The following CCN2 variants were observed in gnomAD, a reference collection of about 807,000 sequenced individuals.
The protein encoded by CCN2 is cellular communication network factor 2.
In CCN2, 22 loss-of-function variants were observed where a neutral mutation model predicts 33.2. That is an observed-to-expected ratio of 0.66 (90% CI 0.47 to 0.95). CCN2 has a LOEUF of 0.95. Ranked by LOEUF, CCN2 falls within the 40% of genes least tolerant of loss-of-function variation. The probability of loss-of-function intolerance (pLI) is 0.00; values close to 1 mark genes in which losing one functional copy is unlikely to be tolerated. For missense variants in CCN2, 469 were observed against 498.8 expected (o/e 0.94, Z 0.57); for synonymous variants, 178 against 200.6 (o/e 0.89, Z 0.95).
chr6:131,951,047 G>C, intron 1 of CCN2, 55 bp from the exon 2 acceptor site: 1 of 1,264,380 alleles, frequency 7.9e-7, no homozygotes, highest in Non-Finnish European at 9.9e-7. Context: ...CGCCCTCCCC[G>C]GCCGGCCCCG....
rs1425870365 is a variant in CCN2, at chr6:131,948,784, C to G, written c.*480G>C. The G allele has an allele frequency of 5.9e-6, 1 of 170,460 alleles. No individual in the cohort carries two copies. Among genetic ancestry groups the G allele is most frequent in the African/African-American group, 2.4e-5 (1 of 42,182 alleles). The allele number at this position is 170,460 out of a possible 1,614,324, so 10.6% of individuals were successfully genotyped here. A position where few individuals can be genotyped will look rare whatever the true frequency, so the allele number is the denominator to read the frequency against. On this transcript the variant is annotated 3_prime_UTR_variant, in exon 5 of 5. Coordinates refer to ENST00000367976, the MANE Select transcript of CCN2 (RefSeq NM_001901.4). ...AACAGTGTCATTCGAATCAGAATGT[C>G]AGAGCTGAGTCTGCTGTTCTGACTT...
In CCN2 at chr6:131,950,072, G is replaced by A. The variant is rs1243190830; in HGVS notation, c.630C>T (p.Ser210=). 3 of 1,614,256 alleles carry A rather than the reference G, an allele frequency of 1.9e-6. No individual in the cohort carries two copies. The highest frequency in any genetic ancestry group is 2.5e-6 in the Non-Finnish European group (3 of 1,180,050). ...LVQTTEWSAC[S]KTCGMGISTR... Reference sequence around the variant, plus strand: ...TGGAGATGCCCATCCCACAGGTCTTGGAACAGGCGCTCCACTCTGTGGTCT... The same window carrying A: ...TGGAGATGCCCATCCCACAGGTCTTAGAACAGGCGCTCCACTCTGTGGTCT... Residue 210 remains serine (S), a synonymous_variant, in exon 4 of 5, where the codon TCC becomes TCT. Coordinates refer to ENST00000367976, the MANE Select transcript of CCN2 (RefSeq NM_001901.4). This position sits in a 1 kb window ranked among gnomAD's most constrained non-coding sequence, Gnocchi z 7.1.
At position 131,949,085 on chromosome 6, in the gene CCN2, G is replaced by A. The variant is rs1243628641; in HGVS notation, c.*179C>T. 1 of 619,324 alleles carries A rather than the reference G, an allele frequency of 1.6e-6. No individual in the cohort carries two copies. The highest frequency in any genetic ancestry group is 2.8e-6 in the Non-Finnish European group (1 of 351,236). The allele number at this position is 619,324 out of a possible 1,614,324, so 38.4% of individuals were successfully genotyped here. ...TTAACATTCTTCAAACCAGTGTCTG[G>A]GGTTGATAGACTATTTGTTTGACAT... On this transcript the variant is annotated 3_prime_UTR_variant, in exon 5 of 5. Coordinates refer to ENST00000367976, the MANE Select transcript of CCN2 (RefSeq NM_001901.4).
chr6:131,950,164 C>G lies in CCN2; in HGVS notation c.542-4G>C, dbSNP rs1321360963. Reference sequence around the variant, plus strand: ...AACGTGTCTTCCAGTCGGTAAGCTGCGAGAGCAGAGCACACAAACACCATG... The same window carrying G: ...AACGTGTCTTCCAGTCGGTAAGCTGGGAGAGCAGAGCACACAAACACCATG... On this transcript the variant is annotated splice_polypyrimidine_tract_variant and splice_region_variant and intron_variant, in intron 3 of 4. Transcript: ENST00000367976. This position sits in a 1 kb window ranked among gnomAD's most constrained non-coding sequence, Gnocchi z 7.1. 6.2e-7 allele frequency: 1 copy of G among 1,614,216 alleles called. No homozygotes were observed. Among genetic ancestry groups the G allele is most frequent in the Admixed American group, 1.7e-5 (1 of 60,030 alleles).
chr6:131,950,520 A>G lies in CCN2; in HGVS notation c.313T>C (p.Phe105Leu). Residue 105 changes from phenylalanine to leucine, a missense_variant, in exon 3 of 5, where the codon TTC (phenylalanine) becomes CTC (leucine). Phe to Leu is a conservative substitution (Grantham distance 22). Transcript: ENST00000367976. The surrounding 1 kb of genome is among the most constrained non-coding windows in gnomAD (Gnocchi z 7.1). Reference protein sequence around the residue: ...CTAKDGAPCIFGGTVYRSGES... With the variant: ...CTAKDGAPCILGGTVYRSGES... ...CCGCTGCGGTACACCGTACCACCGAAGATGCAGGGAGCACCATCTTTGGCT... is the reference window on the plus strand; with the variant it reads ...CCGCTGCGGTACACCGTACCACCGAGGATGCAGGGAGCACCATCTTTGGCT... The G allele has an allele frequency of 6.2e-7, 1 of 1,613,664 alleles. No homozygotes were observed. The highest frequency in any genetic ancestry group is 8.5e-7 in the Non-Finnish European group (1 of 1,179,928).
chr6:131,950,985 A>C lies in CCN2; in HGVS notation c.74T>G (p.Val25Gly). 5.3e-6 allele frequency: 7 copies of C among 1,318,458 alleles called. No homozygotes were observed. The highest frequency in any genetic ancestry group is 6.7e-6 in the Non-Finnish European group (7 of 1,043,938). The allele number at this position is 1,318,458 out of a possible 1,614,324, so 81.7% of individuals were successfully genotyped here. Residue 25 changes from valine to glycine, a missense_variant, in exon 2 of 5, where the codon GTC becomes GGC. Transcript: ENST00000367976. This position sits in a 1 kb window ranked among gnomAD's most constrained non-coding sequence, Gnocchi z 7.1. ...GCACGGCCCGCTGCAGTTCTGGCCG[A>C]CGGCCGGCTGCAGGGAGGACAGGGC... ...VLLALCSRPA[V>G]GQNCSGPCRC...
In CCN2 at chr6:131,951,144, C is replaced by T; in HGVS notation, c.29G>A (p.Arg10His). MTAASMGPV[R>H]VAFVVLLALC... ...GGCGAGGAGGACCACGAAGGCGACG[C>T]GGACGGGGCCCATACTGGCGGCGGT... The change falls in exon 1 of 5, where the codon CGC becomes CAC. Residue 10 changes from arginine (R) to histidine (H), a missense_variant. Physicochemically the swap from Arg to His is conservative, Grantham distance 29. Transcript: ENST00000367976. 7.4e-7 allele frequency: 1 copy of T among 1,346,660 alleles called. No homozygotes were observed. The highest frequency in any genetic ancestry group is 9.6e-7 in the Non-Finnish European group (1 of 1,046,566). 83.4% of individuals were successfully genotyped at this position (1,346,660 alleles called of 1,614,324 possible).
In CCN2 at chr6:131,950,479, G is replaced by A. The variant is rs751199787; in HGVS notation, c.354C>T (p.Ser118=). The change falls in exon 3 of 5, where the codon AGC becomes AGT. Residue 118 remains serine (S), a synonymous_variant. Transcript: ENST00000367976. This position sits in a 1 kb window ranked among gnomAD's most constrained non-coding sequence, Gnocchi z 7.1. ...GGCACGTGCACTGGTACTTGCAGCT[G>A]CTCTGGAAGGACTCTCCGCTGCGGT... ...TVYRSGESFQ[S]SCKYQCTCLD... is the part of the protein sequence containing the mutation. 3.7e-6 allele frequency: 6 copies of A among 1,613,990 alleles called. No homozygotes were observed. In the East Asian group the frequency reaches 8.9e-5, roughly 24 times the overall value.
Position 131,950,832 on chromosome 6 carries a change from G to A in CCN2, c.227C>T (p.Pro76Leu), listed in dbSNP as rs778832399. 26 of 1,539,304 alleles carry A rather than the reference G, an allele frequency of 1.7e-5. No individual in the cohort carries two copies. The highest frequency in any genetic ancestry group is 4.1e-5 in the African/African-American group (3 of 73,366). ...ELCTERDPCDPHKGLFCHFGS... is the reference protein window; with the variant it reads ...ELCTERDPCDLHKGLFCHFGS... ...GAAGTGACAGAATAGGCCCTTGTGC[G>A]GGTCGCATGGGTCGCGCTCGGTGCA... The change falls in exon 2 of 5, where the codon CCG becomes CTG. Residue 76 changes from proline (P) to leucine (L), a missense_variant. By Grantham distance (98) the Pro-to-Leu change is moderately conservative. Transcript: ENST00000367976. This position sits in a 1 kb window ranked among gnomAD's most constrained non-coding sequence, Gnocchi z 7.1.
rs369981825 is a variant in CCN2 at position 131,950,760 on chromosome 6, C to T, written c.289+10G>A. The T allele has an allele frequency of 1.3e-5, 20 of 1,532,846 alleles. No individual in the cohort carries two copies. The highest frequency in any genetic ancestry group is 1.5e-5 in the Non-Finnish European group (17 of 1,145,684). The allele number at this position is 1,532,846 out of a possible 1,614,324, so 95.0% of individuals were successfully genotyped here. ...GCCGGACACCTAGCGGTGGGGGCTG[C>T]GGGTCTTACCGGTGCACACGCCGAT... On this transcript the variant is annotated intron_variant, in intron 2 of 4. Transcript: ENST00000367976. The surrounding 1 kb of genome is among the most constrained non-coding windows in gnomAD (Gnocchi z 7.1).
chr6:131,950,823 C>T lies in CCN2; in HGVS notation c.236G>A (p.Gly79Asp). 1.9e-6 allele frequency: 3 copies of T among 1,543,124 alleles called. No individual in the cohort carries two copies. The highest frequency in any genetic ancestry group is 1.7e-6 in the Non-Finnish European group (2 of 1,151,598). The change falls in exon 2 of 5, where the codon GGC becomes GAC. Residue 79 changes from glycine (G) to aspartate (D), a missense_variant. Transcript: ENST00000367976. This position sits in a 1 kb window ranked among gnomAD's most constrained non-coding sequence, Gnocchi z 7.1. ...TERDPCDPHK[G>D]LFCHFGSPAN... ...CGGGGAGCCGAAGTGACAGAATAGG[C>T]CCTTGTGCGGGTCGCATGGGTCGCG...
In CCN2 at chr6:131,951,189, G is replaced by A. The variant is rs1783105699; in HGVS notation, c.-17C>T. On this transcript the variant is annotated 5_prime_UTR_variant, in exon 1 of 5. Coordinates refer to ENST00000367976, the MANE Select transcript of CCN2 (RefSeq NM_001901.4). ...GGCGGTCATGGTTGGCACTGCGGGCGGAGCGGAGGGCGCGGTGGCGGCGAG... is the reference window on the plus strand; with the variant it reads ...GGCGGTCATGGTTGGCACTGCGGGCAGAGCGGAGGGCGCGGTGGCGGCGAG... The A allele has an allele frequency of 2.3e-6, 3 of 1,304,064 alleles. No homozygotes were observed. Among genetic ancestry groups the A allele is most frequent in the Admixed American group, 3.4e-5 (1 of 29,212 alleles). The allele number at this position is 1,304,064 out of a possible 1,614,324, so 80.8% of individuals were successfully genotyped here.
rs1166561198 is a variant in CCN2, at chr6:131,951,244, G to A, written c.-72C>T. On this transcript the variant is annotated 5_prime_UTR_variant, in exon 1 of 5. Transcript: ENST00000367976. ...GAGCGGCGGGGCCTGGAGCGCTGGC[G>A]GTGGTCGGAGGTGGGGACCGGGACG... 6.7e-6 allele frequency: 8 copies of A among 1,201,422 alleles called. No individual in the cohort carries two copies. The highest frequency in any genetic ancestry group is 6.3e-5 in the African/African-American group (4 of 63,074). 74.4% of individuals were successfully genotyped at this position (1,201,422 alleles called of 1,614,324 possible).
In CCN2 at chr6:131,951,277, C is replaced by T; in HGVS notation, c.-105G>A. Reference sequence around the variant, plus strand: ...GAGGTGGGGACCGGGACGCGCCGGGCTGTCGTCTCGGGGCTGTCGGCCGGG... The same window carrying T: ...GAGGTGGGGACCGGGACGCGCCGGGTTGTCGTCTCGGGGCTGTCGGCCGGG... On this transcript the variant is annotated 5_prime_UTR_variant, in exon 1 of 5. Transcript: ENST00000367976. 1 of 1,034,332 alleles carries T rather than the reference C, an allele frequency of 9.7e-7. No homozygotes were observed. The highest frequency in any genetic ancestry group is 4.4e-5 in the South Asian group (1 of 22,536). The allele number at this position is 1,034,332 out of a possible 1,614,324, so 64.1% of individuals were successfully genotyped here. A position where few individuals can be genotyped will look rare whatever the true frequency, so the allele number is the denominator to read the frequency against.
At chr6:131,949,854 A>G (rs1037094694) in intron 4 of CCN2, 95 bp downstream of exon 4, 14 of 1,197,798 alleles carry the variant, frequency 1.2e-5, no homozygotes, top group Non-Finnish European at 1.6e-5. Flanking sequence ...TTTGGAGATA[A>G]CGGGCTTATA....
chr6:131,949,211 G>A lies in CCN2; in HGVS notation c.*53C>T. On this transcript the variant is annotated 3_prime_UTR_variant, in exon 5 of 5. Transcript: ENST00000367976. ...AATCATTTTTACGGAAAAATGAGAT[G>A]TGAATCAGTTCAAGTTCCAGTCTAA... The A allele has an allele frequency of 2.7e-6, 4 of 1,464,066 alleles. No homozygotes were observed. The highest frequency in any genetic ancestry group is 3.8e-6 in the Non-Finnish European group (4 of 1,049,018). 90.7% of individuals were successfully genotyped at this position (1,464,066 alleles called of 1,614,324 possible). A position where few individuals can be genotyped will look rare whatever the true frequency, so the allele number is the denominator to read the frequency against.
Position 131,951,280 on chromosome 6 carries a change from T to C in CCN2, c.-108A>G. The C allele has an allele frequency of 1.0e-6, 1 of 996,860 alleles. No individual in the cohort carries two copies. Among genetic ancestry groups the C allele is most frequent in the Non-Finnish European group, 1.3e-6 (1 of 778,530 alleles). The allele number at this position is 996,860 out of a possible 1,614,324, so 61.8% of individuals were successfully genotyped here. A position where few individuals can be genotyped will look rare whatever the true frequency, so the allele number is the denominator to read the frequency against. The stretch of plus-strand genomic sequence containing the variant: ...GTGGGGACCGGGACGCGCCGGGCTG[T>C]CGTCTCGGGGCTGTCGGCCGGGGCG... On this transcript the variant is annotated 5_prime_UTR_variant, in exon 1 of 5. Transcript: ENST00000367976.
chr6:131,949,117 A>G lies in CCN2; in HGVS notation c.*147T>C, dbSNP rs1261451496. ...TAGACTATTTGTTTGACATGGCACA[A>G]TGTTTTGAATTGGGTGGGAATCTTT... On this transcript the variant is annotated 3_prime_UTR_variant, in exon 5 of 5. Coordinates refer to ENST00000367976, the MANE Select transcript of CCN2 (RefSeq NM_001901.4). The G allele has an allele frequency of 2.8e-6, 2 of 708,184 alleles. No individual in the cohort carries two copies. Among genetic ancestry groups the G allele is most frequent in the Admixed American group, 2.5e-5 (1 of 40,148 alleles). The allele number at this position is 708,184 out of a possible 1,614,324, so 43.9% of individuals were successfully genotyped here.
rs1463779487 is a variant in CCN2, at chr6:131,950,150, C to T, written c.552G>A (p.Leu184=). 6.2e-7 allele frequency: 1 copy of T among 1,614,092 alleles called. No homozygotes were observed. Among genetic ancestry groups the T allele is most frequent in the East Asian group, 2.2e-5 (1 of 44,890 alleles). ...TTGGGTCTGGGCCAAACGTGTCTTCCAGTCGGTAAGCTGCGAGAGCAGAGC... is the reference window on the plus strand; with the variant it reads ...TTGGGTCTGGGCCAAACGTGTCTTCTAGTCGGTAAGCTGCGAGAGCAGAGC... The part of the protein sequence containing the change: ...VVGPALAAYR[L]EDTFGPDPTM... The change falls in exon 4 of 5, where the codon CTG becomes CTA. Residue 184 remains leucine (L), a synonymous_variant. Coordinates refer to ENST00000367976, the MANE Select transcript of CCN2 (RefSeq NM_001901.4). The surrounding 1 kb of genome is among the most constrained non-coding windows in gnomAD (Gnocchi z 7.1).
Sources: gnomAD v4.1 joint callset for allele counts on GRCh38, gnomAD v4.1.1 for gene constraint, Gnocchi (gnomAD v3.1) non-coding constraint, MANE v1.5 for transcripts, NCBI Gene and HGNC (gene_info 2026-07-23, HGNC 2026-07-21) for gene names.